FGF14: variants seen among roughly 807,000 people sequenced by gnomAD.
The protein encoded by FGF14 is fibroblast growth factor 14, also known as fibroblast growth factor homologous factor 4.
A neutral mutation model predicts 25.5 loss-of-function variants in FGF14; 5 were observed. The observed-to-expected ratio is 0.20, with a 90% CI of 0.10 to 0.41. The LOEUF is 0.41. Ranked by LOEUF, FGF14 falls within the 10% of genes least tolerant of loss-of-function variation. The pLI, the probability that FGF14 is intolerant of heterozygous loss-of-function variation, is 1.00. For synonymous variants in FGF14, 138 were observed against 118.3 expected (o/e 1.17, Z -1.08); for missense variants, 222 against 320.1 (o/e 0.69, Z 2.34).
chr13:102,257,337 C>CTTTT (rs2052492542), intron 1 of FGF14, among the ~76,000 whole-genome samples: 4 of 24,966 alleles, frequency 1.6e-4, no homozygotes, highest in Admixed American at 8.2e-4. Flanking sequence ...CATTTCCTTT[C>CTTTT]TTTTCTTTTT....
intron 1 of FGF14, among the ~76,000 whole-genome samples, chr13:102,021,192 A>G (rs2040631826): frequency 6.6e-6 from 1 of 152,066 alleles, no homozygotes; most frequent in Non-Finnish European, 1.5e-5. Flanking sequence ...AGTTAAGAAG[A>G]CAGCAAGTCT....
At chr13:101,825,834 A>G (rs1402650231) in intron 3 of FGF14, among the ~76,000 whole-genome samples, 2 of 152,118 alleles carry the variant, frequency 1.3e-5, no homozygotes, top group Admixed American at 1.3e-4. Context: ...GACATAAATA[A>G]CATTAGAAGT....
intron 3 of FGF14, among the ~76,000 whole-genome samples, chr13:101,851,629 C>T (rs2043855840): frequency 6.6e-6 from 1 of 152,050 alleles, no homozygotes; most frequent in Non-Finnish European, 1.5e-5. Flanking sequence ...CAACCTATGC[C>T]TCTGGCTTCT....
At chr13:101,824,763 C>T (rs1160409672) in intron 3 of FGF14, among the ~76,000 whole-genome samples, 1 of 152,144 alleles carries the variant, frequency 6.6e-6, no homozygotes, top group Non-Finnish European at 1.5e-5. Context: ...AGCTTTCGGC[C>T]TCATTCCTAA....
Position 102,101,370 on chromosome 13 carries a change from C to T in FGF14, c.209-226074G>A, listed in dbSNP as rs144429395. Among the ~76,000 whole-genome samples the T allele has an allele frequency of 9.1e-4, 139 of 152,240 alleles. 1 individual carries two copies. Among genetic ancestry groups the T allele is most frequent in the African/African-American group, 3.1e-3 (128 of 41,526 alleles). ...CCCCTATAATTATTTTGTAATTCAACAGAATATGATATAGTAACCAGAGAA... is the reference window on the plus strand; with the variant it reads ...CCCCTATAATTATTTTGTAATTCAATAGAATATGATATAGTAACCAGAGAA... On this transcript the variant is annotated intron_variant, in intron 1 of 4. Coordinates refer to the FGF14 transcript ENST00000376131.
At chr13:102,153,790 T>C (rs9557819) in intron 1 of FGF14, among the ~76,000 whole-genome samples, 8,883 of 152,190 alleles carry the variant, frequency 0.058, 903 homozygotes, top group East Asian at 0.5. Context: ...TGGAAATCCA[T>C]CTAATCTCAG....
At chr13:102,345,797 T>C (rs1030877235) in intron 1 of FGF14, among the ~76,000 whole-genome samples, 1 of 152,232 alleles carries the variant, frequency 6.6e-6, no homozygotes, top group Non-Finnish European at 1.5e-5. Context: ...ATATTCTATT[T>C]CTTCAGGGCT....
chr13:102,104,832 T>TA (rs1242617040), intron 1 of FGF14, among the ~76,000 whole-genome samples: 1 of 152,068 alleles, frequency 6.6e-6, no homozygotes, highest in African/African-American at 2.4e-5. Context: ...AGCTACCTGG[T>TA]AAAATTTCAG....
At chr13:102,300,890 C>T (rs374279982) in intron 1 of FGF14, among the ~76,000 whole-genome samples, 8 of 150,652 alleles carry the variant, frequency 5.3e-5, no homozygotes, top group Non-Finnish European at 1.0e-4. Flanking sequence ...GTTTTCCTGA[C>T]GCCCCAAAGT....
Position 101,852,547 on chromosome 13 carries a change from C to A in FGF14, c.408+16178G>T, listed in dbSNP as rs541475227. Among the ~76,000 whole-genome samples, 10 of 152,138 alleles carry A rather than the reference C, an allele frequency of 6.6e-5. No homozygotes were observed. In the South Asian group the frequency reaches 1.5e-3, roughly 22 times the overall value. On this transcript the variant is annotated intron_variant, in intron 3 of 4. Coordinates refer to ENST00000376143, the MANE Select transcript of FGF14 (RefSeq NM_004115.4). ...TGGGGCTGTCTGCACAGTCATAACA[C>A]TTGAGTGTGGATTTTGGGGTAAGTG...
intron 1 of FGF14, among the ~76,000 whole-genome samples, chr13:102,337,136 TA>T (rs1436784073): frequency 2.0e-5 from 3 of 152,224 alleles, no homozygotes; most frequent in African/African-American, 4.8e-5. Context: ...CCATAGATAG[TA>T]ATTCCTCTGA....
chr13:102,299,675 G>A (rs2054924216), intron 1 of FGF14: 1 of 152,210 alleles, frequency 6.6e-6, no homozygotes, highest in Admixed American at 6.6e-5. Context: ...GGAGGCCCCG[G>A]AAGCGAGGTC....
intron 1 of FGF14, among the ~76,000 whole-genome samples, chr13:101,996,792 C>T (rs2039210144): frequency 1.3e-5 from 2 of 152,160 alleles, no homozygotes. Flanking sequence ...TAAGTGACAT[C>T]AAGGAAGCTG....
intron 3 of FGF14, among the ~76,000 whole-genome samples, chr13:101,764,202 C>A (rs2038234546): frequency 6.6e-6 from 1 of 152,170 alleles, no homozygotes; most frequent in Non-Finnish European, 1.5e-5. Flanking sequence ...TTCCAATATA[C>A]TTTCTTGTTG....
chr13:102,036,600 T>C (rs1485130558), intron 1 of FGF14, among the ~76,000 whole-genome samples: 2 of 151,990 alleles, frequency 1.3e-5, no homozygotes, highest in Non-Finnish European at 2.9e-5. Context: ...GGTATTTATA[T>C]GAAATTTCTG....
chr13:101,993,308 A>G (rs992333069), intron 1 of FGF14, among the ~76,000 whole-genome samples: 2 of 152,052 alleles, frequency 1.3e-5, no homozygotes, highest in Non-Finnish European at 2.9e-5. Context: ...CAAAACAAGG[A>G]AATTTTTTTG....
chr13:101,938,316 C>G (rs2493590), intron 1 of FGF14, among the ~76,000 whole-genome samples: 5 of 152,114 alleles, frequency 3.3e-5, no homozygotes, highest in Non-Finnish European at 7.3e-5. Flanking sequence ...AGAGGGCTGT[C>G]TGTCATGTGT....
At chr13:101,916,396 G>C in intron 1 of FGF14, 57 bp downstream of exon 1, 1 of 1,598,314 alleles carries the variant, frequency 6.3e-7, no homozygotes, top group Non-Finnish European at 8.6e-7. Context: ...GAGAAGCTCC[G>C]TTTAGGCGGG....
chr13:101,784,604 GATT>G (rs1822439193), intron 3 of FGF14, among the ~76,000 whole-genome samples: 1 of 152,108 alleles, frequency 6.6e-6, no homozygotes, highest in African/African-American at 2.4e-5. Context: ...TCATTCTGAA[GATT>G]ATTTAACCTT....
Sources: gnomAD v4.1 joint callset for allele counts (sites outside exome capture counted in the v4.1 genomes callset) on GRCh38, gnomAD v4.1.1 for gene constraint, MANE v1.5 for transcripts, NCBI Gene and HGNC (gene_info 2026-07-23, HGNC 2026-07-21) for gene names.